The following IGF2R variants were observed in gnomAD, a reference collection of about 807,000 sequenced individuals.
IGF2R encodes insulin like growth factor 2 receptor.
IGF2R carries 91 observed loss-of-function variants against 270.6 expected under a neutral mutation model. The ratio of observed to expected loss-of-function variants is 0.34; its 90% CI spans 0.28 to 0.40. The LOEUF (loss-of-function observed/expected upper bound fraction) is 0.40, where lower values mean the gene tolerates loss of function less well. IGF2R is among the 10% of genes least tolerant of loss of function. The pLI, the probability that IGF2R is intolerant of heterozygous loss-of-function variation, is 1.00. For synonymous variants in IGF2R, 1,316 were observed against 1,258.9 expected (o/e 1.05, Z -0.96); for missense variants, 2,805 against 3,188.3 (o/e 0.88, Z 2.90).
intron 39 of IGF2R, 136 bp downstream of exon 39, chr6:160,080,411 T>C (rs1778953310): frequency 7.9e-6 from 7 of 887,178 alleles, no homozygotes; most frequent in Non-Finnish European, 6.7e-6. Flanking sequence ...TTACTCGGGC[T>C]GTTTCCCACA....
intron 23 of IGF2R, among the ~76,000 whole-genome samples, chr6:160,060,923 A>G (rs182168460): frequency 6.6e-5 from 10 of 152,342 alleles, no homozygotes; most frequent in South Asian, 6.2e-4. Context: ...GAATCTGACT[A>G]TATAGTTAAT....
intron 5 of IGF2R, among the ~76,000 whole-genome samples, chr6:160,024,955 C>T (rs1258171795): frequency 1.3e-5 from 2 of 152,088 alleles, no homozygotes; most frequent in South Asian, 2.1e-4. Flanking sequence ...GGTGTTCTCT[C>T]GGCCAGACAC....
intron 5 of IGF2R, among the ~76,000 whole-genome samples, chr6:160,026,295 T>A (rs1777559699): frequency 6.6e-6 from 1 of 152,206 alleles, no homozygotes; most frequent in Admixed American, 6.5e-5. Flanking sequence ...GGCTTGAGAG[T>A]TAAAGGTTTG....
At chr6:160,046,354 C>G (rs1407183926) in intron 14 of IGF2R, 144 bp from the exon 15 acceptor site, 10 of 697,912 alleles carry the variant, frequency 1.4e-5, no homozygotes, top group Non-Finnish European at 2.3e-5. Context: ...CCTCAAGGGG[C>G]AGCGTCTCTT....
At chr6:159,984,849 A>T (rs1478603608) in intron 1 of IGF2R, among the ~76,000 whole-genome samples, 2 of 152,224 alleles carry the variant, frequency 1.3e-5, no homozygotes, top group Non-Finnish European at 2.9e-5. Context: ...AGATATTTTG[A>T]GAGAGAGATG....
intron 44 of IGF2R, chr6:160,094,905 A>C (rs1287782979): frequency 2.0e-5 from 3 of 151,862 alleles, no homozygotes; most frequent in Non-Finnish European, 4.4e-5. Flanking sequence ...CTCAAAAAAA[A>C]AAAAAAAAAA....
At chr6:160,008,465 T>C (rs1486953805) in intron 2 of IGF2R, among the ~76,000 whole-genome samples, 1 of 152,246 alleles carries the variant, frequency 6.6e-6, no homozygotes, top group Non-Finnish European at 1.5e-5. Context: ...ATAGACTTTT[T>C]ATTCTGGACT....
chr6:159,981,110 G>A (rs1310545460), intron 1 of IGF2R, among the ~76,000 whole-genome samples: 1 of 152,226 alleles, frequency 6.6e-6, no homozygotes, highest in Non-Finnish European at 1.5e-5. Context: ...ACCCTGGTGT[G>A]TTTGCCCTTG....
chr6:160,110,711 A>G lies in IGF2R; in HGVS notation c.*5627A>G, dbSNP rs771172757. 1.3e-5 allele frequency: 2 copies of G among 152,266 alleles called. No individual in the cohort carries two copies. Among genetic ancestry groups the G allele is most frequent in the African/African-American group, 2.4e-5 (1 of 41,474 alleles). 9.4% of individuals were successfully genotyped at this position (152,266 alleles called of 1,614,324 possible). ...ATGGATCAAGAAAATGCATGTATGTATACACACACACAGTGGAATACCAAG... is the reference window on the plus strand; with the variant it reads ...ATGGATCAAGAAAATGCATGTATGTGTACACACACACAGTGGAATACCAAG... On this transcript the variant is annotated 3_prime_UTR_variant, in exon 48 of 48. Transcript: ENST00000356956.
In IGF2R at chr6:160,071,838, T is replaced by G. The variant is rs8191880; in HGVS notation, c.4444-72T>G. The G allele has an allele frequency of 1.4e-4, 225 of 1,578,056 alleles. 2 individuals are homozygous for G. In the South Asian group the frequency reaches 2.3e-3, roughly 16 times the overall value. ...GGAGTTTTTCAGAGAAGCTTCCACT[T>G]GTAAGTTGAAATCATGATAGACATG... On this transcript the variant is annotated intron_variant, in intron 31 of 47. Coordinates refer to ENST00000356956, the MANE Select transcript of IGF2R (RefSeq NM_000876.4).
intron 32 of IGF2R, among the ~76,000 whole-genome samples, 158 bp from the exon 33 acceptor site, chr6:160,072,607 T>TA (rs1476739089): frequency 6.6e-6 from 1 of 152,234 alleles, no homozygotes; most frequent in Non-Finnish European, 1.5e-5. Context: ...AGTCTCATGA[T>TA]ACAGCCTGGC....
intron 29 of IGF2R, among the ~76,000 whole-genome samples, chr6:160,066,474 TAA>T (rs984009039): frequency 1.3e-5 from 2 of 152,106 alleles, no homozygotes; most frequent in African/African-American, 4.8e-5. Context: ...ATTTTTATGC[TAA>T]GTTTTTAAAA....
chr6:160,048,462 T>A lies in IGF2R; in HGVS notation c.2433T>A (p.Ile811=). The A allele has an allele frequency of 6.2e-7, 1 of 1,614,194 alleles. No individual in the cohort carries two copies. Among genetic ancestry groups the A allele is most frequent in the Non-Finnish European group, 8.5e-7 (1 of 1,180,002 alleles). Residue 811 remains isoleucine (I), a synonymous_variant, in exon 18 of 48, where the codon ATT becomes ATA. Coordinates refer to ENST00000356956, the MANE Select transcript of IGF2R (RefSeq NM_000876.4). Reference sequence around the variant, plus strand: ...ATGTCACGTGGAGGAAATACTACATTAACGTGTGTCGGCCTCTGAATCCAG... The same window carrying A: ...ATGTCACGTGGAGGAAATACTACATAAACGTGTGTCGGCCTCTGAATCCAG... ...GEHVTWRKYY[I]NVCRPLNPVP... is the part of the protein sequence containing the mutation.
chr6:160,090,573 T>G (rs1346166973), intron 44 of IGF2R, among the ~76,000 whole-genome samples: 1 of 152,192 alleles, frequency 6.6e-6, no homozygotes, highest in East Asian at 1.9e-4. Flanking sequence ...GTCCAGGGTG[T>G]GAAGGAAGGT....
In IGF2R at chr6:160,069,918, G is replaced by T. The variant is rs1046637555; in HGVS notation, c.4303G>T (p.Val1435Leu). 6.2e-7 allele frequency: 1 copy of T among 1,614,200 alleles called. No homozygotes were observed. Among genetic ancestry groups the T allele is most frequent in the Admixed American group, 1.7e-5 (1 of 60,030 alleles). Residue 1435 changes from valine (V) to leucine (L), a missense_variant, in exon 31 of 48, where the codon GTG (valine) becomes TTG (leucine). This residue lies in a region of IGF2R where 1,851 missense variants were observed against 2,207.2 expected (regional missense o/e 0.84). Coordinates refer to ENST00000356956, the MANE Select transcript of IGF2R (RefSeq NM_000876.4). ...AACLLGGSKP[V>L]NLGRVRDGPQ... ...GTGTCTGCTGGGTGGCTCCAAGCCC[G>T]TGAACCTCGGCAGGGTAAGGGACGG...
At chr6:160,082,904 G>T (rs1404686421) in intron 39 of IGF2R, among the ~76,000 whole-genome samples, 1 of 152,180 alleles carries the variant, frequency 6.6e-6, no homozygotes, top group Non-Finnish European at 1.5e-5. Context: ...TCCCGCCTCT[G>T]CTCCCCTGAA....
At chr6:160,098,758 G>T (rs1169638582) in intron 45 of IGF2R, among the ~76,000 whole-genome samples, 4 of 152,194 alleles carry the variant, frequency 2.6e-5, no homozygotes, top group African/African-American at 9.7e-5. Flanking sequence ...GGTGGAGGTT[G>T]CAGTGAGCCG....
At position 160,008,947 on chromosome 6, in the gene IGF2R, TGGA is replaced by T. The variant is rs941787677; in HGVS notation, c.290-62_290-60del. On this transcript the variant is annotated intron_variant, in intron 2 of 47. Coordinates refer to ENST00000356956, the MANE Select transcript of IGF2R (RefSeq NM_000876.4). ...ATGCTACTTTTAATTTGCTTTTCCT[TGGA>T]AATAGCTGTTTGGTTATGTATGTTT... 9.1e-6 allele frequency: 14 copies of T among 1,532,064 alleles called. No homozygotes were observed. In the African/African-American group the frequency reaches 1.2e-4, roughly 14 times the overall value. 94.9% of individuals were successfully genotyped at this position (1,532,064 alleles called of 1,614,324 possible). A position where few individuals can be genotyped will look rare whatever the true frequency, so the allele number is the denominator to read the frequency against.
At chr6:160,011,500 T>G (rs943132830) in intron 4 of IGF2R, among the ~76,000 whole-genome samples, 1 of 151,756 alleles carries the variant, frequency 6.6e-6, no homozygotes, top group African/African-American at 2.4e-5. Flanking sequence ...ATGTATACAT[T>G]GAGGAATGGC....
Sources: allele counts gnomAD v4.1 joint callset (sites outside exome capture counted in the v4.1 genomes callset), GRCh38; gene constraint gnomAD v4.1.1; regional missense constraint gnomAD v4.1.1; transcripts MANE v1.5; gene names NCBI Gene and HGNC (gene_info 2026-07-23, HGNC 2026-07-21).